The following LRRC61 variants were observed in gnomAD, a reference collection of about 807,000 sequenced individuals.
LRRC61 encodes the protein leucine-rich repeat-containing protein 61.
LRRC61 carries 9 observed loss-of-function variants against 15.1 expected under a neutral mutation model. The ratio of observed to expected loss-of-function variants is 0.60; its 90% CI spans 0.36 to 1.04. LRRC61 has a LOEUF of 1.04. LRRC61 is among the 50% of genes least tolerant of loss of function. LRRC61 has a pLI of 0.01. For synonymous variants in LRRC61, 173 were observed against 158.6 expected, an observed-to-expected ratio of 1.09 and a Z score of -0.68; for missense variants, 344 against 335.6, an observed-to-expected ratio of 1.03 and a Z score of -0.20.
the LRRC61 span, among the ~76,000 whole-genome samples, chr7:150,317,372 T>C: frequency 6.6e-6 from 1 of 152,248 alleles, no homozygotes; most frequent in Non-Finnish European, 1.5e-5. Context: ...ATTTTCTAAC[T>C]GGTGGTTGTT....
chr7:150,337,424 G>T lies in LRRC61; in HGVS notation c.563G>T (p.Ser188Ile), dbSNP rs1485188669. 7 of 1,605,290 alleles carry T rather than the reference G, an allele frequency of 4.4e-6. No homozygotes were observed. Among genetic ancestry groups the T allele is most frequent in the Non-Finnish European group, 5.9e-6 (7 of 1,179,934 alleles). The change falls in exon 3 of 3, where the codon AGT becomes ATT. Residue 188 changes from serine to isoleucine, a missense_variant. Ser to Ile is a moderately radical substitution (Grantham distance 142). Transcript: ENST00000359623. ...GACAGCTCCTTGCGTCCCAGCTCCA[G>T]TCCAGGCCCCAGAGCCACCGAGGCC... Reference protein sequence around the residue: ...DLDSSLRPSSSPGPRATEAQP... With the variant: ...DLDSSLRPSSIPGPRATEAQP...
At position 150,335,568 on chromosome 7, in the gene LRRC61, A is replaced by G. The variant is rs1798261024; in HGVS notation, c.-144-1150A>G. Among the ~76,000 whole-genome samples, 1 of 152,224 alleles carries G rather than the reference A, an allele frequency of 6.6e-6. No homozygotes were observed. The highest frequency in any genetic ancestry group is 1.5e-5 in the Non-Finnish European group (1 of 68,034). On this transcript the variant is annotated intron_variant, in intron 2 of 2. Transcript: ENST00000359623. The surrounding 1 kb of genome is among the most constrained non-coding windows in gnomAD (Gnocchi z 4.3). ...TGGTGTGGGAGGAGCTAAGTGGATC[A>G]GGCTCTGGGCCTGGTTTCCTTGGAG...
At chr7:150,316,403 C>T in the LRRC61 span, among the ~76,000 whole-genome samples, 2 of 152,054 alleles carry the variant, frequency 1.3e-5, no homozygotes, top group African/African-American at 4.8e-5. Flanking sequence ...TTCCTACCAA[C>T]CCCCAGCCAC....
At position 150,337,079 on chromosome 7, in the gene LRRC61, C is replaced by T. The variant is rs751249038; in HGVS notation, c.218C>T (p.Ser73Phe). 3 of 1,612,890 alleles carry T rather than the reference C, an allele frequency of 1.9e-6. No individual in the cohort carries two copies. Among genetic ancestry groups the T allele is most frequent in the Non-Finnish European group, 2.5e-6 (3 of 1,179,792 alleles). Residue 73 changes from serine to phenylalanine, a missense_variant, in exon 3 of 3, where the codon TCC becomes TTC. Physicochemically the swap from Ser to Phe is radical, Grantham distance 155. Transcript: ENST00000359623. ...NALTHLGPLA[S>F]LRQLAVLNVS... is the part of the protein sequence containing the mutation. ...CTCACCCACCTGGGCCCGCTGGCCT[C>T]CTTGCGCCAGCTAGCTGTGCTCAAT...
At chr7:150,326,568 A>G (rs1797968044) in intron 2 of LRRC61, among the ~76,000 whole-genome samples, 1 of 151,942 alleles carries the variant, frequency 6.6e-6, no homozygotes, top group African/African-American at 2.4e-5. Context: ...CTGAAGTCCC[A>G]GCTACTTGGG....
chr7:150,310,085 T>A, the LRRC61 span, among the ~76,000 whole-genome samples: 2 of 152,114 alleles, frequency 1.3e-5, no homozygotes. Context: ...TTTTTAGTTA[T>A]CCCCACCTGC....
chr7:150,337,858 A>T lies in LRRC61; in HGVS notation c.*217A>T. On this transcript the variant is annotated 3_prime_UTR_variant, in exon 3 of 3. Transcript: ENST00000359623. ...TGTGAGCAGGTGTAAGGGCTCCCAC[A>T]TCCGTGAGCCTGTGTCCGCAGCTGC... 1.7e-6 allele frequency: 1 copy of T among 580,112 alleles called. No homozygotes were observed. 35.9% of individuals were successfully genotyped at this position (580,112 alleles called of 1,614,324 possible). A position where few individuals can be genotyped will look rare whatever the true frequency, so the allele number is the denominator to read the frequency against.
the LRRC61 span, among the ~76,000 whole-genome samples, chr7:150,311,433 C>T: frequency 1.3e-5 from 2 of 152,216 alleles, no homozygotes; most frequent in Admixed American, 1.3e-4. Flanking sequence ...TCCACTTACC[C>T]TCTACAGTTC....
In LRRC61 at chr7:150,323,681, C is replaced by A. The variant is rs757430515; in HGVS notation, c.-315+121C>A. The A allele has an allele frequency of 6.1e-5, 28 of 456,376 alleles. 1 individual carries two copies. Among genetic ancestry groups the A allele is most frequent in the South Asian group, 4.3e-4 (28 of 64,568 alleles). The allele number at this position is 456,376 out of a possible 1,614,324, so 28.3% of individuals were successfully genotyped here. Reference sequence around the variant, plus strand: ...TCGCGCCGAAACACACTGGGAGAGGCCAGAATCTTCCGGAACAGCCAGCCC... The same window carrying A: ...TCGCGCCGAAACACACTGGGAGAGGACAGAATCTTCCGGAACAGCCAGCCC... On this transcript the variant is annotated intron_variant, in intron 1 of 2. Coordinates refer to ENST00000359623, the MANE Select transcript of LRRC61 (RefSeq NM_001142928.2).
At position 150,330,974 on chromosome 7, in the gene LRRC61, C is replaced by T. The variant is rs762651074; in HGVS notation, c.-145+4964C>T. ...GGGGCTCGCTGTCCACCAAGAGCCA[C>T]TGGGCCAGCATCATTGTCAAGAAGT... On this transcript the variant is annotated intron_variant, in intron 2 of 2. Transcript: ENST00000359623. The surrounding 1 kb of genome is among the most constrained non-coding windows in gnomAD (Gnocchi z 4.6). 3.7e-6 allele frequency: 6 copies of T among 1,612,104 alleles called. No individual in the cohort carries two copies. In the East Asian group the frequency reaches 1.3e-4, roughly 36 times the overall value.
At chr7:150,323,310 A>G, upstream of LRRC61, 1 of 260,968 alleles carries the variant, frequency 3.8e-6, no homozygotes, top group Non-Finnish European at 7.6e-6. Context: ...CGGAATCCAG[A>G]GCGCCCACTA....
At chr7:150,323,975 T>G (rs1039132071) in intron 1 of LRRC61, among the ~76,000 whole-genome samples, 18 of 152,244 alleles carry the variant, frequency 1.2e-4, no homozygotes, top group Admixed American at 3.9e-4. Context: ...TTGTGTCATT[T>G]TTTTTGCACA....
chr7:150,316,493 T>A, the LRRC61 span, among the ~76,000 whole-genome samples: 2 of 147,250 alleles, frequency 1.4e-5, no homozygotes, highest in Non-Finnish European at 3.0e-5. Flanking sequence ...ATTTTTTTTT[T>A]TTTTTTTTTT....
chr7:150,317,581 T>C, the LRRC61 span, among the ~76,000 whole-genome samples: 2 of 152,156 alleles, frequency 1.3e-5, no homozygotes, highest in Non-Finnish European at 2.9e-5. Flanking sequence ...TAACTAGTGG[T>C]GTTGACTAAA....
In LRRC61 at chr7:150,337,614, G is replaced by C. The variant is rs149223172; in HGVS notation, c.753G>C (p.Ala251=). 3 of 1,534,244 alleles carry C rather than the reference G, an allele frequency of 2.0e-6. No homozygotes were observed. The African/African-American group carries it at 4.2e-5, about 21-fold the overall frequency. ...LAQAEQVLSS[A]GPTSSFVF ...AGGCGGAGCAGGTACTCAGCTCTGC[G>C]GGCCCCACCTCTTCCTTCGTCTTCT... Residue 251 remains alanine (A), a synonymous_variant, in exon 3 of 3, where the codon GCG becomes GCC. Transcript: ENST00000359623.
In LRRC61 at chr7:150,337,336, G is replaced by A. The variant is rs1278734589; in HGVS notation, c.475G>A (p.Val159Ile). Residue 159 changes from valine to isoleucine, a missense_variant, in exon 3 of 3, where the codon GTC becomes ATC. By Grantham distance (29) the Val-to-Ile change is conservative. Transcript: ENST00000359623. ...AVRELLPGLK[V>I]IDGERVIGRG... ...CCGGGAGCTGCTGCCTGGCCTGAAA[G>A]TCATCGACGGTGAGCGTGTGATTGG... 6.2e-7 allele frequency: 1 copy of A among 1,604,090 alleles called. No homozygotes were observed. The highest frequency in any genetic ancestry group is 1.3e-5 in the African/African-American group (1 of 74,928).
chr7:150,319,202 CTT>C, upstream of LRRC61, among the ~76,000 whole-genome samples: 1 of 143,868 alleles, frequency 7.0e-6, no homozygotes, highest in Non-Finnish European at 1.5e-5. Context: ...AAAATTGCTT[CTT>C]CTTTTTTTTT....
chr7:150,331,214 T>G, intron 2 of LRRC61: 1 of 1,258,658 alleles, frequency 7.9e-7, no homozygotes, highest in Non-Finnish European at 1.1e-6. Flanking sequence ...AAGGCCAACC[T>G]GGAGCAGTTC....
rs1008726266 is a variant in LRRC61 at position 150,330,159 on chromosome 7, T to A, written c.-145+4149T>A. Reference sequence around the variant, plus strand: ...GGCCACCTGCAGCCATTTCTAAGGCTCTGTGGAGGCCCAGGGACTCCTCAC... The same window carrying A: ...GGCCACCTGCAGCCATTTCTAAGGCACTGTGGAGGCCCAGGGACTCCTCAC... On this transcript the variant is annotated intron_variant, in intron 2 of 2. Coordinates refer to ENST00000359623, the MANE Select transcript of LRRC61 (RefSeq NM_001142928.2). This position sits in a 1 kb window ranked among gnomAD's most constrained non-coding sequence, Gnocchi z 4.6. 2.6e-5 allele frequency: 15 copies of A among 569,014 alleles called. 1 individual carries two copies. The South Asian group carries it at 2.9e-4, about 11-fold the overall frequency. 35.2% of individuals were successfully genotyped at this position (569,014 alleles called of 1,614,324 possible).
Sources: allele counts gnomAD v4.1 joint callset (sites outside exome capture counted in the v4.1 genomes callset), GRCh38; gene constraint gnomAD v4.1.1; non-coding constraint Gnocchi (gnomAD v3.1); transcripts MANE v1.5; gene names NCBI Gene and HGNC (gene_info 2026-07-23, HGNC 2026-07-21).